SGMS1: variants seen among roughly 807,000 people sequenced by gnomAD.
SGMS1 encodes phosphatidylcholine:ceramide cholinephosphotransferase 1.
SGMS1 carries 13 observed loss-of-function variants against 46.2 expected under a neutral mutation model. That is an observed-to-expected ratio of 0.28 (90% CI 0.18 to 0.45). SGMS1 has a LOEUF of 0.45. Ranked by LOEUF, SGMS1 falls within the 20% of genes least tolerant of loss-of-function variation. SGMS1 has a pLI of 1.00. For missense variants in SGMS1, 324 were observed against 519.9 expected (o/e 0.62, Z 3.66); for synonymous variants, 203 against 187.8 (o/e 1.08, Z -0.66).
At chr10:50,374,867 C>T (rs1372996908) in intron 6 of SGMS1, among the ~76,000 whole-genome samples, 3 of 152,198 alleles carry the variant, frequency 2.0e-5, no homozygotes, top group Non-Finnish European at 2.9e-5. Context: ...TTGCCTACTT[C>T]AAGCCTCTGT....
intron 1 of SGMS1, among the ~76,000 whole-genome samples, chr10:50,621,888 C>T (rs1416320044): frequency 3.3e-5 from 5 of 152,218 alleles, no homozygotes; most frequent in Non-Finnish European, 4.4e-5. Context: ...CACTGCTACC[C>T]AGCAGGTCAC....
chr10:50,328,724 C>A (rs57101811), intron 7 of SGMS1, among the ~76,000 whole-genome samples: 10,437 of 152,178 alleles, frequency 0.069, 1,120 homozygotes, highest in African/African-American at 0.23. Context: ...AGTCAAGCTG[C>A]GTATGCCTCC....
intron 8 of SGMS1, among the ~76,000 whole-genome samples, chr10:50,311,708 C>T (rs575071543): frequency 1.3e-5 from 2 of 152,266 alleles, no homozygotes; most frequent in East Asian, 3.9e-4. Context: ...GACAGAGAAA[C>T]AGTACTTCTA....
chr10:50,307,454 C>T lies in SGMS1; in HGVS notation c.1063-133G>A, dbSNP rs1376840432. The T allele has an allele frequency of 2.9e-6, 2 of 695,328 alleles. No individual in the cohort carries two copies. Among genetic ancestry groups the T allele is most frequent in the Non-Finnish European group, 4.7e-6 (2 of 421,158 alleles). The allele number at this position is 695,328 out of a possible 1,614,324, so 43.1% of individuals were successfully genotyped here. A position where few individuals can be genotyped will look rare whatever the true frequency, so the allele number is the denominator to read the frequency against. On this transcript the variant is annotated intron_variant, in intron 10 of 10. Transcript: ENST00000361781. This position sits in a 1 kb window ranked among gnomAD's most constrained non-coding sequence, Gnocchi z 4.2. ...CACCCACATATCCCAGCTTCTCTCT[C>T]TCATCACCATTCTACACTCCACATT...
intron 2 of SGMS1, among the ~76,000 whole-genome samples, chr10:50,571,072 T>C (rs896236591): frequency 6.6e-6 from 1 of 152,244 alleles, no homozygotes. Context: ...TGGCAAGAAT[T>C]TTACCAAGTC....
chr10:50,455,659 T>C (rs1015179134), intron 5 of SGMS1, among the ~76,000 whole-genome samples: 1 of 152,232 alleles, frequency 6.6e-6, no homozygotes, highest in Non-Finnish European at 1.5e-5. Context: ...GATTCACCAA[T>C]ATAAATCTTC....
intron 3 of SGMS1, 75 bp from the exon 4 acceptor site, chr10:50,467,007 C>G (rs1485222670): frequency 6.6e-6 from 1 of 151,844 alleles, no homozygotes; most frequent in Non-Finnish European, 1.5e-5. Flanking sequence ...AACTAAAATC[C>G]AAGTTAACTA....
intron 6 of SGMS1, among the ~76,000 whole-genome samples, chr10:50,344,655 G>T (rs1443600892): frequency 6.6e-6 from 1 of 152,142 alleles, no homozygotes. Context: ...GGATCACGAG[G>T]TCAGGAGATA....
chr10:50,570,747 C>T (rs2131857359), intron 2 of SGMS1, among the ~76,000 whole-genome samples: 1 of 152,246 alleles, frequency 6.6e-6, no homozygotes, highest in Non-Finnish European at 1.5e-5. Context: ...CCAGCCTAAG[C>T]AACATAAAGA....
At chr10:50,582,073 G>A (rs570903971) in intron 2 of SGMS1, among the ~76,000 whole-genome samples, 115 of 152,314 alleles carry the variant, frequency 7.6e-4, no homozygotes, top group Admixed American at 1.3e-3. Flanking sequence ...ATGCTGAATG[G>A]CAAGCACTAT....
chr10:50,556,253 C>T (rs1838188590), intron 2 of SGMS1, among the ~76,000 whole-genome samples: 2 of 152,232 alleles, frequency 1.3e-5, no homozygotes, highest in African/African-American at 4.8e-5. Flanking sequence ...TACTATGCAA[C>T]AGGCAGTGTT....
chr10:50,490,614 T>C (rs1377170901), intron 3 of SGMS1, among the ~76,000 whole-genome samples: 1 of 152,172 alleles, frequency 6.6e-6, no homozygotes, highest in Non-Finnish European at 1.5e-5. Flanking sequence ...AAAGGTAAAA[T>C]GGAAACAGTA....
Position 50,407,489 on chromosome 10 carries a change from G to A in SGMS1, c.-232+25987C>T, listed in dbSNP as rs187176887. On this transcript the variant is annotated intron_variant, in intron 6 of 10. Coordinates refer to ENST00000361781, the MANE Select transcript of SGMS1 (RefSeq NM_147156.4). Reference sequence around the variant, plus strand: ...CACCTTATTTTCTGTTGATATCTTTGATATCCTTTCTGGTCTCAGCTCCTA... The same window carrying A: ...CACCTTATTTTCTGTTGATATCTTTAATATCCTTTCTGGTCTCAGCTCCTA... Among the ~76,000 whole-genome samples the A allele has an allele frequency of 4.6e-5, 7 of 152,208 alleles. No individual in the cohort carries two copies. The East Asian group carries it at 1.3e-3, about 29-fold the overall frequency.
chr10:50,496,971 TC>T lies in SGMS1; in HGVS notation c.-498+22859del, dbSNP rs145597683. ...ACCCACAGCAGCCTCCTGTTTGGTC[TC>T]CCTAATTCCACTCTAGCTTCCACCC... On this transcript the variant is annotated intron_variant, in intron 3 of 10. Transcript: ENST00000361781. 4.7e-3 allele frequency among the ~76,000 whole-genome samples: 720 copies of T among 152,318 alleles called. 1 individual carries two copies. The highest frequency in any genetic ancestry group is 0.017 in the African/African-American group (696 of 41,566).
intron 2 of SGMS1, among the ~76,000 whole-genome samples, chr10:50,523,144 A>T (rs10763529): frequency 0.56 from 85,577 of 151,914 alleles, 24,141 homozygotes; most frequent in Admixed American, 0.66. Context: ...TGAAAACCAC[A>T]GCCTCATAGA....
rs568079717 is a variant in SGMS1 at position 50,397,565 on chromosome 10, C to T, written c.-232+35911G>A. Reference sequence around the variant, plus strand: ...GCCTATGTTTAAAAGTTCTGAAGAACAAAGTGTCTGGGTTTATTTAGATGT... The same window carrying T: ...GCCTATGTTTAAAAGTTCTGAAGAATAAAGTGTCTGGGTTTATTTAGATGT... On this transcript the variant is annotated intron_variant, in intron 6 of 10. Transcript: ENST00000361781. Among the ~76,000 whole-genome samples the T allele has an allele frequency of 4.9e-4, 75 of 152,244 alleles. 1 individual carries two copies. The South Asian group carries it at 0.016, about 32-fold the overall frequency.
intron 5 of SGMS1, among the ~76,000 whole-genome samples, chr10:50,451,816 T>C (rs974470235): frequency 6.6e-6 from 1 of 152,240 alleles, no homozygotes; most frequent in Non-Finnish European, 1.5e-5. Context: ...ACTGCAGATC[T>C]GCACACTGCA....
intron 3 of SGMS1, among the ~76,000 whole-genome samples, chr10:50,476,992 C>G (rs1837433407): frequency 6.6e-6 from 1 of 152,248 alleles, no homozygotes; most frequent in South Asian, 2.1e-4. Context: ...GGTTGGAGCC[C>G]CCACACAGAG....
intron 6 of SGMS1, among the ~76,000 whole-genome samples, chr10:50,409,381 C>T (rs1849066252): frequency 1.3e-5 from 2 of 152,194 alleles, no homozygotes; most frequent in Non-Finnish European, 2.9e-5. Flanking sequence ...TCTTCAACCT[C>T]GCTGGATATA....
Sources: gnomAD v4.1 joint callset for allele counts (sites outside exome capture counted in the v4.1 genomes callset) on GRCh38, gnomAD v4.1.1 for gene constraint, Gnocchi (gnomAD v3.1) non-coding constraint, MANE v1.5 for transcripts, NCBI Gene and HGNC (gene_info 2026-07-23, HGNC 2026-07-21) for gene names.